Variants in MARCHF1 observed in about 807,000 individuals in gnomAD.
The protein encoded by MARCHF1 is membrane associated ring-CH-type finger 1, also known as E3 ubiquitin-protein ligase MARCHF1.
MARCHF1 carries 40 observed loss-of-function variants against 54.2 expected under a neutral mutation model. The ratio of observed to expected loss-of-function variants is 0.74; its 90% CI spans 0.57 to 0.96. MARCHF1 has a LOEUF of 0.96. Among genes scored for constraint, MARCHF1 ranks in the 40% least tolerant of loss-of-function variants. The pLI, the probability that MARCHF1 is intolerant of heterozygous loss-of-function variation, is 0.00. For missense variants in MARCHF1, 586 were observed against 656.5 expected, an observed-to-expected ratio of 0.89 and a Z score of 1.17; for synonymous variants, 236 against 236.3, an observed-to-expected ratio of 1.00 and a Z score of 0.01.
intron 1 of MARCHF1, among the ~76,000 whole-genome samples, chr4:164,357,916 C>A (rs1263257139): frequency 6.6e-6 from 1 of 152,096 alleles, no homozygotes; most frequent in Non-Finnish European, 1.5e-5. Flanking sequence ...AAAGAAACAT[C>A]ATCAGAAAGA....
At chr4:163,914,091 G>GTT (rs1553962999) in intron 3 of MARCHF1, among the ~76,000 whole-genome samples, 3 of 151,906 alleles carry the variant, frequency 2.0e-5, no homozygotes, top group Admixed American at 6.6e-5. Flanking sequence ...GAAAAATTGT[G>GTT]TTTTTTTCCA....
At chr4:164,246,006 G>A (rs368634624) in intron 1 of MARCHF1, among the ~76,000 whole-genome samples, 1 of 41,388 alleles carries the variant, frequency 2.4e-5, no homozygotes, top group Non-Finnish European at 5.8e-5. Flanking sequence ...AATCAATATC[G>A]TGAAAATGGC....
intron 1 of MARCHF1, among the ~76,000 whole-genome samples, chr4:164,375,101 C>T (rs1731149638): frequency 6.6e-6 from 1 of 152,106 alleles, no homozygotes; most frequent in Non-Finnish European, 1.5e-5. Context: ...AAAATCCAAA[C>T]TCATGTGAGT....
At chr4:163,837,895 G>T (rs1250526107) in intron 4 of MARCHF1, among the ~76,000 whole-genome samples, 2 of 152,078 alleles carry the variant, frequency 1.3e-5, no homozygotes, top group East Asian at 3.8e-4. Context: ...TTACCATTTT[G>T]TGCTACATAA....
chr4:163,902,663 C>T (rs1301754579), intron 3 of MARCHF1, among the ~76,000 whole-genome samples: 1 of 152,146 alleles, frequency 6.6e-6, no homozygotes, highest in African/African-American at 2.4e-5. Context: ...CCCTGACAGG[C>T]AGAAAGTAAC....
intron 1 of MARCHF1, among the ~76,000 whole-genome samples, chr4:164,335,674 G>C (rs1161814551): frequency 6.8e-6 from 1 of 147,256 alleles, no homozygotes; most frequent in Non-Finnish European, 1.5e-5. Flanking sequence ...CATCGAAGCA[G>C]GACCCTCCAG....
chr4:163,884,616 C>A (rs922446811), intron 3 of MARCHF1, among the ~76,000 whole-genome samples: 3 of 152,066 alleles, frequency 2.0e-5, no homozygotes, highest in Admixed American at 6.6e-5. Context: ...AGATTTTGTC[C>A]GGTTCACCAG....
chr4:164,140,843 C>A (rs781636853), intron 1 of MARCHF1, among the ~76,000 whole-genome samples: 1 of 152,114 alleles, frequency 6.6e-6, no homozygotes, highest in Non-Finnish European at 1.5e-5. Context: ...CTCTTATCCA[C>A]AAAGTACATC....
chr4:163,639,592 A>T (rs959730813), intron 5 of MARCHF1, among the ~76,000 whole-genome samples: 1 of 152,064 alleles, frequency 6.6e-6, no homozygotes. Flanking sequence ...TGTGTGTTGG[A>T]ACGTTTTTGT....
At chr4:164,367,883 G>A (rs146775892) in intron 1 of MARCHF1, among the ~76,000 whole-genome samples, 76 of 151,716 alleles carry the variant, frequency 5.0e-4, no homozygotes, top group African/African-American at 1.7e-3. Flanking sequence ...AGTATCTTTT[G>A]TATCTCCATC....
chr4:164,011,365 T>C (rs1753416301), intron 2 of MARCHF1, among the ~76,000 whole-genome samples: 1 of 144,584 alleles, frequency 6.9e-6, no homozygotes, highest in African/African-American at 2.6e-5. Flanking sequence ...TTGCAAACTG[T>C]ATACCTGACA....
intron 4 of MARCHF1, among the ~76,000 whole-genome samples, chr4:163,775,834 G>T (rs1349310346): frequency 6.6e-6 from 1 of 152,136 alleles, no homozygotes; most frequent in Non-Finnish European, 1.5e-5. Context: ...ATTTAGAGCA[G>T]CCAGTGTTGG....
intron 1 of MARCHF1, among the ~76,000 whole-genome samples, chr4:164,351,529 CA>C (rs1429761549): frequency 1.3e-5 from 2 of 152,046 alleles, no homozygotes; most frequent in African/African-American, 4.8e-5. Flanking sequence ...CAGGGTATTC[CA>C]ACAGACCTGC....
intron 2 of MARCHF1, among the ~76,000 whole-genome samples, chr4:164,057,101 A>G (rs543694690): frequency 2.0e-5 from 3 of 152,210 alleles, no homozygotes; most frequent in Non-Finnish European, 4.4e-5. Flanking sequence ...AGAAAGATAC[A>G]ACAGAATAAA....
intron 1 of MARCHF1, chr4:164,197,157 C>T (rs1731290859): frequency 6.2e-7 from 1 of 1,607,588 alleles, no homozygotes; most frequent in Non-Finnish European, 8.5e-7. Context: ...CCTCGCCCTC[C>T]TCATCTTCCA....
intron 1 of MARCHF1, among the ~76,000 whole-genome samples, chr4:164,234,507 C>A (rs1487233180): frequency 6.6e-6 from 1 of 151,982 alleles, no homozygotes; most frequent in East Asian, 1.9e-4. Flanking sequence ...GAATAAATGA[C>A]CAATACAGGG....
chr4:163,638,556 C>G (rs919357364), intron 5 of MARCHF1, among the ~76,000 whole-genome samples: 2 of 152,050 alleles, frequency 1.3e-5, no homozygotes, highest in African/African-American at 2.4e-5. Context: ...TCTGGAGAAC[C>G]AAGAGTCAAT....
chr4:163,809,201 G>C (rs950484795), intron 4 of MARCHF1, among the ~76,000 whole-genome samples: 4 of 152,058 alleles, frequency 2.6e-5, no homozygotes, highest in Non-Finnish European at 5.9e-5. Context: ...AATATTCCCT[G>C]GGAAGTTTTA....
chr4:163,619,667 G>C lies in MARCHF1; in HGVS notation c.163-6274C>G, dbSNP rs1437741569. ...TTTGCATCTCTAGTTAGTGGGAAAA[G>C]GTAGGTTATTAAAAAAATGGCGTTG... On this transcript the variant is annotated intron_variant, in intron 5 of 9. Transcript: ENST00000514618. 2.6e-5 allele frequency among the ~76,000 whole-genome samples: 4 copies of C among 151,772 alleles called. No individual in the cohort carries two copies. The South Asian group carries it at 6.2e-4, about 24-fold the overall frequency.
Sources: gnomAD v4.1 joint callset for allele counts (sites outside exome capture counted in the v4.1 genomes callset) on GRCh38, gnomAD v4.1.1 for gene constraint, MANE v1.5 for transcripts, NCBI Gene and HGNC (gene_info 2026-07-23, HGNC 2026-07-21) for gene names.